GRXCR1: variants seen among roughly 807,000 people sequenced by gnomAD.
The protein encoded by GRXCR1 is glutaredoxin domain-containing cysteine-rich protein 1.
Under a neutral mutation model 27.3 loss-of-function variants are expected in GRXCR1, and 27 were observed. The observed-to-expected ratio is 0.99, with a 90% CI of 0.73 to 1.37. The LOEUF (loss-of-function observed/expected upper bound fraction) is 1.37, where lower values mean the gene tolerates loss of function less well. GRXCR1 is among the 40% of genes most tolerant of loss of function. GRXCR1 has a pLI of 0.00. For synonymous variants in GRXCR1, 122 were observed against 131.1 expected, an observed-to-expected ratio of 0.93 and a Z score of 0.47; for missense variants, 379 against 354.4, an observed-to-expected ratio of 1.07 and a Z score of -0.56.
chr4:42,979,544 C>T (rs140042366), intron 2 of GRXCR1, among the ~76,000 whole-genome samples: 1 of 151,934 alleles, frequency 6.6e-6, no homozygotes, highest in Non-Finnish European at 1.5e-5. Context: ...ATTTGATTTG[C>T]TAGTATATTG....
intron 1 of GRXCR1, among the ~76,000 whole-genome samples, chr4:42,941,115 T>G (rs1747609030): frequency 6.6e-6 from 1 of 152,062 alleles, no homozygotes; most frequent in African/African-American, 2.4e-5. Context: ...CCTCAATTTC[T>G]TCCTCTGGGA....
At chr4:42,926,431 A>G (rs1381624101) in intron 1 of GRXCR1, among the ~76,000 whole-genome samples, 1 of 152,008 alleles carries the variant, frequency 6.6e-6, no homozygotes, top group African/African-American at 2.4e-5. Flanking sequence ...ATAAATGAAC[A>G]ATGGAGCTGG....
intron 1 of GRXCR1, among the ~76,000 whole-genome samples, chr4:42,931,842 G>C (rs1000882050): frequency 2.0e-5 from 3 of 151,834 alleles, no homozygotes; most frequent in Non-Finnish European, 4.4e-5. Flanking sequence ...AGACATACCC[G>C]AGCCTGGGTA....
In GRXCR1 at chr4:42,970,936, C is replaced by T. The variant is rs532728857; in HGVS notation, c.627+7802C>T. Among the ~76,000 whole-genome samples, 5 of 152,248 alleles carry T rather than the reference C, an allele frequency of 3.3e-5. No individual in the cohort carries two copies. The East Asian group carries it at 5.8e-4, about 18-fold the overall frequency. On this transcript the variant is annotated intron_variant, in intron 2 of 3. Transcript: ENST00000399770. ...AAGTTCCAATTTCAGACAATCTCTT[C>T]GTGAATGCATATGACTGTATGCTTT...
chr4:43,006,903 G>A (rs1290773946), intron 2 of GRXCR1, among the ~76,000 whole-genome samples: 2 of 152,032 alleles, frequency 1.3e-5, no homozygotes, highest in African/African-American at 4.8e-5. Context: ...TCTCTCTTTT[G>A]TACTCTGTCC....
intron 2 of GRXCR1, among the ~76,000 whole-genome samples, chr4:42,971,108 C>T (rs1056720016): frequency 6.6e-6 from 1 of 152,136 alleles, no homozygotes; most frequent in Non-Finnish European, 1.5e-5. Context: ...TATAGAGTGA[C>T]CTTTACTCCA....
At chr4:42,987,677 C>T (rs1339076850) in intron 2 of GRXCR1, among the ~76,000 whole-genome samples, 1 of 152,084 alleles carries the variant, frequency 6.6e-6, no homozygotes, top group African/African-American at 2.4e-5. Flanking sequence ...CTTTGCTATA[C>T]CTGACATATA....
At chr4:42,922,760 C>G (rs1276703688) in intron 1 of GRXCR1, among the ~76,000 whole-genome samples, 3 of 152,010 alleles carry the variant, frequency 2.0e-5, no homozygotes, top group Non-Finnish European at 2.9e-5. Context: ...TGTTATCAGT[C>G]ATAACCTCCA....
At chr4:42,949,013 G>T (rs1404270174) in intron 1 of GRXCR1, among the ~76,000 whole-genome samples, 6 of 152,100 alleles carry the variant, frequency 3.9e-5, no homozygotes, top group African/African-American at 1.4e-4. Flanking sequence ...TAGTAATTTA[G>T]TACAGCGGCA....
At chr4:42,999,399 G>A (rs889150460) in intron 2 of GRXCR1, among the ~76,000 whole-genome samples, 1 of 152,224 alleles carries the variant, frequency 6.6e-6, no homozygotes, top group Admixed American at 6.5e-5. Flanking sequence ...TCCTTCGACT[G>A]CACAGCCTTT....
intron 2 of GRXCR1, among the ~76,000 whole-genome samples, chr4:42,966,431 T>C (rs968144244): frequency 1.3e-5 from 2 of 152,104 alleles, no homozygotes; most frequent in Admixed American, 6.6e-5. Context: ...GTGGGACTGA[T>C]TGATAATTCT....
chr4:43,013,224 A>C (rs1294238487), intron 2 of GRXCR1, among the ~76,000 whole-genome samples: 1 of 152,208 alleles, frequency 6.6e-6, no homozygotes, highest in African/African-American at 2.4e-5. Context: ...TATGTTCATT[A>C]CAGCACTATT....
At position 42,893,441 on chromosome 4, in the gene GRXCR1, G is replaced by A. The variant is rs771988984; in HGVS notation, c.175G>A (p.Asp59Asn). Residue 59 changes from aspartate (D) to asparagine (N), a missense_variant, in exon 1 of 4, where the codon GAT becomes AAT. Coordinates refer to ENST00000399770, the MANE Select transcript of GRXCR1 (RefSeq NM_001080476.3). ...TGGGATAGATGGACTAGGTGATTCC[G>A]ATGGACAGCAGAATGGCCACATAGA... ...ICGIDGLGDS[D>N]GQQNGHIESE... 7 of 1,613,874 alleles carry A rather than the reference G, an allele frequency of 4.3e-6. No homozygotes were observed. In the East Asian group the frequency reaches 6.7e-5, roughly 15 times the overall value.
intron 2 of GRXCR1, among the ~76,000 whole-genome samples, chr4:42,987,883 C>G (rs1711832044): frequency 6.6e-6 from 1 of 152,138 alleles, no homozygotes; most frequent in African/African-American, 2.4e-5. Flanking sequence ...GAACTCAACT[C>G]AAAGCAGATT....
intron 1 of GRXCR1, among the ~76,000 whole-genome samples, chr4:42,912,655 A>G (rs1746750575): frequency 1.3e-5 from 2 of 152,196 alleles, no homozygotes; most frequent in African/African-American, 4.8e-5. Context: ...AGATTGCAAC[A>G]TTTTCTATAC....
chr4:42,901,391 C>G (rs192363305), intron 1 of GRXCR1, among the ~76,000 whole-genome samples: 2 of 152,116 alleles, frequency 1.3e-5, no homozygotes, highest in African/African-American at 2.4e-5. Flanking sequence ...GGAGGCTTTA[C>G]GGCAGAATTC....
chr4:42,905,777 A>G (rs1159096619), intron 1 of GRXCR1, among the ~76,000 whole-genome samples: 3 of 152,184 alleles, frequency 2.0e-5, no homozygotes, highest in Non-Finnish European at 4.4e-5. Context: ...TGTTACATTT[A>G]GTGTCTTACG....
intron 2 of GRXCR1, among the ~76,000 whole-genome samples, chr4:43,012,775 T>C (rs1712799877): frequency 6.6e-6 from 1 of 152,182 alleles, no homozygotes; most frequent in Admixed American, 6.5e-5. Context: ...CTGGATTTTA[T>C]TATTATTTCT....
chr4:42,918,677 G>C (rs1746940216), intron 1 of GRXCR1, among the ~76,000 whole-genome samples: 1 of 152,004 alleles, frequency 6.6e-6, no homozygotes. Context: ...TTTGACACAT[G>C]AGTTCTTTCC....
Sources: allele counts gnomAD v4.1 joint callset (sites outside exome capture counted in the v4.1 genomes callset), GRCh38; gene constraint gnomAD v4.1.1; transcripts MANE v1.5; gene names NCBI Gene and HGNC (gene_info 2026-07-23, HGNC 2026-07-21).